DOCK6: variants seen among roughly 807,000 people sequenced by gnomAD.
The protein encoded by DOCK6 is dedicator of cytokinesis protein 6.
In DOCK6, 167 loss-of-function variants were observed where a neutral mutation model predicts 230.3. The ratio of observed to expected loss-of-function variants is 0.73; its 90% CI spans 0.64 to 0.82. DOCK6 has a LOEUF of 0.82. Ranked by LOEUF, DOCK6 falls within the 40% of genes least tolerant of loss-of-function variation. The probability of loss-of-function intolerance (pLI) is 0.00; values close to 1 mark genes in which losing one functional copy is unlikely to be tolerated. For missense variants in DOCK6, 2,598 were observed against 2,825.8 expected (o/e 0.92, Z 1.83); for synonymous variants, 1,148 against 1,185.0 (o/e 0.97, Z 0.64).
rs762402181 is a variant in DOCK6 at position 11,211,789 on chromosome 19, C to T, written c.4738G>A (p.Asp1580Asn). Residue 1580 changes from aspartate to asparagine, a missense_variant, in exon 37 of 48, where the codon GAC becomes AAC. Asp to Asn is a conservative substitution (Grantham distance 23). Transcript: ENST00000294618. ...GGCCCACCTCACCTGTACATGAGGT[C>T]GATGAGCATCTCAGGGTCCTCCTGG... ...EHQEDPEMLI[D>N]LMYRIARGYQ... 5 of 1,551,302 alleles carry T rather than the reference C, an allele frequency of 3.2e-6. No individual in the cohort carries two copies. Among genetic ancestry groups the T allele is most frequent in the South Asian group, 1.2e-5 (1 of 84,044 alleles).
At chr19:11,248,233 C>T (rs2080066626) in intron 6 of DOCK6, 82 bp from the exon 7 acceptor site, 2 of 1,050,712 alleles carry the variant, frequency 1.9e-6, no homozygotes, top group Non-Finnish European at 2.8e-6. Context: ...AGCCTCAGAC[C>T]AGCTCTACCC....
rs758222233 is a variant in DOCK6, at chr19:11,213,194, C to G, written c.4473G>C (p.Gln1491His). The G allele has an allele frequency of 2.5e-6, 4 of 1,612,518 alleles. No homozygotes were observed. Among genetic ancestry groups the G allele is most frequent in the Non-Finnish European group, 3.4e-6 (4 of 1,179,412 alleles). ...ASASLYLLMR[Q>H]NFEIGHNFAR... ...CACTCACGTGGCCGATCTCGAAGTTCTGTCGCATGAGCAGGTACAGCGAGG... is the reference window on the plus strand; with the variant it reads ...CACTCACGTGGCCGATCTCGAAGTTGTGTCGCATGAGCAGGTACAGCGAGG... The change falls in exon 35 of 48, where the codon CAG becomes CAC. Residue 1491 changes from glutamine (Q) to histidine (H), a missense_variant. Coordinates refer to ENST00000294618, the MANE Select transcript of DOCK6 (RefSeq NM_020812.4).
rs1187049646 is a variant in DOCK6, at chr19:11,209,751, CCTGTCCACCCCCTCA to C, written c.4752-663_4752-649del. ...ATCCCCTCACCTGTCCACCCCCTCA[CCTGTCCACCCCCTCA>C]CTGTCCACCCTCTCACCTGTCCATC... On this transcript the variant is annotated intron_variant, in intron 37 of 47. Transcript: ENST00000294618. Among the ~76,000 whole-genome samples, 3 of 100,002 alleles carry C rather than the reference CCTGTCCACCCCCTCA, an allele frequency of 3.0e-5. 1 individual carries two copies. The highest frequency in any genetic ancestry group is 6.8e-5 in the Non-Finnish European group (3 of 43,870). The allele number at this position is 100,002 out of a possible 152,430, so 65.6% of individuals were successfully genotyped here. A position where few individuals can be genotyped will look rare whatever the true frequency, so the allele number is the denominator to read the frequency against.
intron 24 of DOCK6, among the ~76,000 whole-genome samples, chr19:11,224,304 G>C (rs1272874266): frequency 6.7e-6 from 1 of 150,366 alleles, no homozygotes; most frequent in African/African-American, 2.5e-5. Flanking sequence ...TCTGCCTCCT[G>C]GGTTCAAGCG....
chr19:11,210,029 G>A (rs534565558), intron 37 of DOCK6, among the ~76,000 whole-genome samples: 20 of 46,436 alleles, frequency 4.3e-4, no homozygotes, highest in Admixed American at 1.8e-3. Flanking sequence ...CCTGTCCACC[G>A]TCTCACCTGT....
At position 11,217,055 on chromosome 19, in the gene DOCK6, CCGGCTTGA is replaced by C. The variant is rs772381647; in HGVS notation, c.3745_3752del (p.Ser1249AspfsTer24). ...CCCACAGCACACACGCCAGCAAGGT[CCGGCTTGA>C]CTCAGCAGAGAGGGCACAGCCTGCG... On this transcript the variant is annotated frameshift_variant, in exon 30 of 48. Coordinates refer to ENST00000294618, the MANE Select transcript of DOCK6 (RefSeq NM_020812.4). LOFTEE classifies it high-confidence loss of function. The C allele has an allele frequency of 2.7e-5, 43 of 1,613,420 alleles. No individual in the cohort carries two copies. Among genetic ancestry groups the C allele is most frequent in the Admixed American group, 3.3e-5 (2 of 59,972 alleles).
chr19:11,225,516 T>C (rs1377835322), intron 24 of DOCK6, among the ~76,000 whole-genome samples: 3 of 151,114 alleles, frequency 2.0e-5, no homozygotes, highest in Non-Finnish European at 4.4e-5. Context: ...GAAGACCCCA[T>C]CTCTACACAC....
At chr19:11,262,068 G>C (rs2080299407) in intron 1 of DOCK6, among the ~76,000 whole-genome samples, 1 of 152,116 alleles carries the variant, frequency 6.6e-6, no homozygotes, top group South Asian at 2.1e-4. Context: ...GGGGAGCGCA[G>C]GGAGTTCAGG....
rs779939410 is a variant in DOCK6 at position 11,208,775 on chromosome 19, G to T, written c.4999C>A (p.Pro1667Thr). 1 of 1,613,776 alleles carries T rather than the reference G, an allele frequency of 6.2e-7. No homozygotes were observed. The highest frequency in any genetic ancestry group is 2.2e-5 in the East Asian group (1 of 44,874). ...ESAISDDILSPDEEGFCSGKH... is the reference protein window; with the variant it reads ...ESAISDDILSTDEEGFCSGKH... ...CCGGAGCAGAAGCCCTCCTCGTCGG[G>T]CGACAGGATGTCGTCGGAGATGGCG... is the stretch of plus-strand genomic sequence containing the variant. Residue 1667 changes from proline (P) to threonine (T), a missense_variant, in exon 39 of 48, where the codon CCC (proline) becomes ACC (threonine). Coordinates refer to ENST00000294618, the MANE Select transcript of DOCK6 (RefSeq NM_020812.4).
Position 11,222,152 on chromosome 19 carries a change from G to A in DOCK6, c.3337C>T (p.Leu1113=). The change falls in exon 27 of 48, where the codon CTG becomes TTG. Residue 1113 remains leucine, a synonymous_variant. Transcript: ENST00000294618. The surrounding 1 kb of genome is among the most constrained non-coding windows in gnomAD (Gnocchi z 4.0). ...AGGGCCAGTGCCAGCTCCGTCAGCA[G>A]GAGCCCAGCTAGGAAGTGCTGCTGC... ...FRQQHFLAGL[L]LTELALALEP... 1 of 1,612,622 alleles carries A rather than the reference G, an allele frequency of 6.2e-7. No individual in the cohort carries two copies. Among genetic ancestry groups the A allele is most frequent in the African/African-American group, 1.3e-5 (1 of 75,020 alleles).
intron 35 of DOCK6, among the ~76,000 whole-genome samples, chr19:11,212,953 C>A (rs2079416070): frequency 6.7e-6 from 1 of 149,956 alleles, no homozygotes; most frequent in Admixed American, 6.7e-5. Flanking sequence ...CCACTGCAGC[C>A]TCAAACTCCT....
chr19:11,237,502 A>G lies in DOCK6; in HGVS notation c.2027T>C (p.Val676Ala). 3 of 1,613,352 alleles carry G rather than the reference A, an allele frequency of 1.9e-6. No homozygotes were observed. The South Asian group carries it at 3.3e-5, about 18-fold the overall frequency. The stretch of plus-strand genomic sequence containing the variant: ...GCTGGGCGGCGGCTGGTCCACAGAC[A>G]CTGGGAGACAGAAGGGGCCGGTCCT... Reference protein sequence around the residue: ...RLRTGPFCLPVSVDQPPPSYS... With the variant: ...RLRTGPFCLPASVDQPPPSYS... Residue 676 changes from valine (V) to alanine (A), a missense_variant, in exon 18 of 48, where the codon GTG becomes GCG. Coordinates refer to ENST00000294618, the MANE Select transcript of DOCK6 (RefSeq NM_020812.4).
intron 14 of DOCK6, chr19:11,239,590 T>C (rs1028528511): frequency 1.2e-6 from 2 of 1,606,656 alleles, no homozygotes; most frequent in Non-Finnish European, 1.7e-6. Flanking sequence ...GTATGAGGCA[T>C]AAAAGGCTTC....
intron 14 of DOCK6, 85 bp downstream of exon 14, chr19:11,241,960 G>A: frequency 6.8e-7 from 1 of 1,471,396 alleles, no homozygotes; most frequent in Non-Finnish European, 9.1e-7. Flanking sequence ...GTGTCTGTGT[G>A]TGTCCTTGGC....
rs377753718 is a variant in DOCK6, at chr19:11,236,404, G to A, written c.2334C>T (p.His778=). Residue 778 remains histidine (H), a synonymous_variant, in exon 20 of 48, where the codon CAC becomes CAT. Transcript: ENST00000294618. The surrounding 1 kb of genome is among the most constrained non-coding windows in gnomAD (Gnocchi z 5.2). ...SPEPLVAFSH[H]VLDKLVRLVI... is the part of the protein sequence containing the mutation. ...CCAGACGCACGAGCTTGTCCAGCAC[G>A]TGGTGGGAGAAGGCCACAAGGGGTT... The A allele has an allele frequency of 1.3e-5, 21 of 1,587,884 alleles. No homozygotes were observed. Among genetic ancestry groups the A allele is most frequent in the East Asian group, 6.9e-5 (3 of 43,442 alleles).
At chr19:11,255,346 C>A (rs2080181562) in intron 1 of DOCK6, among the ~76,000 whole-genome samples, 1 of 151,376 alleles carries the variant, frequency 6.6e-6, no homozygotes, top group South Asian at 2.1e-4. Context: ...GCTCTGTTGC[C>A]CAGGCTGGAG....
At chr19:11,234,888 G>A (rs144443460) in intron 21 of DOCK6, among the ~76,000 whole-genome samples, 1 of 152,202 alleles carries the variant, frequency 6.6e-6, no homozygotes, top group East Asian at 1.9e-4. Flanking sequence ...GAGGCCTCAG[G>A]GCCTTTGCAC....
intron 23 of DOCK6, 133 bp from the exon 24 acceptor site, chr19:11,227,610 TGGA>T: frequency 9.1e-7 from 1 of 1,101,628 alleles, no homozygotes; most frequent in East Asian, 2.7e-5. Context: ...GGGCTGTGGG[TGGA>T]GGAGGCTTGA....
chr19:11,231,936 T>C (rs562094381), intron 22 of DOCK6, among the ~76,000 whole-genome samples: 1 of 152,320 alleles, frequency 6.6e-6, no homozygotes, highest in African/African-American at 2.4e-5. Flanking sequence ...TTCGTTTGCA[T>C]GCGATTTGCA....
Sources: gnomAD v4.1 joint callset for allele counts (sites outside exome capture counted in the v4.1 genomes callset) on GRCh38, gnomAD v4.1.1 for gene constraint, Gnocchi (gnomAD v3.1) non-coding constraint, MANE v1.5 for transcripts, NCBI Gene and HGNC (gene_info 2026-07-23, HGNC 2026-07-21) for gene names.